TNR: variants seen among roughly 807,000 people sequenced by gnomAD.
The protein encoded by TNR is tenascin R, also known as tenascin-R.
TNR carries 45 observed loss-of-function variants against 150.4 expected under a neutral mutation model. The observed-to-expected ratio is 0.30, with a 90% CI of 0.24 to 0.38. The LOEUF (loss-of-function observed/expected upper bound fraction) is 0.38, where lower values mean the gene tolerates loss of function less well. Ranked by LOEUF, TNR falls within the 10% of genes least tolerant of loss-of-function variation. The pLI, the probability that TNR is intolerant of heterozygous loss-of-function variation, is 1.00. For synonymous variants in TNR, 687 were observed against 678.4 expected, an observed-to-expected ratio of 1.01 and a Z score of -0.20; for missense variants, 1,544 against 1,759.1, an observed-to-expected ratio of 0.88 and a Z score of 2.19.
Position 175,486,945 on chromosome 1 carries a change from C to T in TNR, c.-64+41324G>A, listed in dbSNP as rs530110210. Among the ~76,000 whole-genome samples the T allele has an allele frequency of 2.0e-5, 3 of 152,234 alleles. 1 individual carries two copies. The South Asian group carries it at 6.2e-4, about 32-fold the overall frequency. ...TCTTTTGAGAAGTGTCTGTTCATAT[C>T]CTTTGCCCACTTCTTGATGGGGTTG... On this transcript the variant is annotated intron_variant, in intron 2 of 22. Transcript: ENST00000367674.
intron 1 of TNR, among the ~76,000 whole-genome samples, chr1:175,576,943 C>G (rs1246459825): frequency 2.6e-5 from 4 of 152,196 alleles, no homozygotes; most frequent in Non-Finnish European, 1.5e-5. Context: ...TCACTGGACT[C>G]TGTAAAATCC....
chr1:175,615,580 G>T (rs1046186733), intron 1 of TNR, among the ~76,000 whole-genome samples: 1 of 152,270 alleles, frequency 6.6e-6, no homozygotes, highest in Middle Eastern at 3.4e-3. Context: ...GTCTCCTTAC[G>T]GTGTAAACTC....
intron 1 of TNR, among the ~76,000 whole-genome samples, chr1:175,606,683 C>T (rs140616132): frequency 1.3e-5 from 2 of 152,140 alleles, no homozygotes; most frequent in Non-Finnish European, 1.5e-5. Context: ...CAGGACCCCC[C>T]ACCCGACCCC....
chr1:175,596,321 C>A (rs1177879425), intron 1 of TNR, among the ~76,000 whole-genome samples: 1 of 151,982 alleles, frequency 6.6e-6, no homozygotes, highest in Non-Finnish European at 1.5e-5. Context: ...TCCTCCAGTT[C>A]CCCCCACCCG....
At chr1:175,592,743 G>T (rs931946106) in intron 1 of TNR, among the ~76,000 whole-genome samples, 5 of 152,222 alleles carry the variant, frequency 3.3e-5, no homozygotes, top group Admixed American at 2.0e-4. Flanking sequence ...CACAGCTTAG[G>T]GCTGGAGCAT....
chr1:175,324,492 C>G lies in TNR; in HGVS notation c.3821G>C (p.Arg1274Pro). ...GTCTCTATCCTCTGTGGAGAAAGGG[C>G]GTCCTTGATGATAGCTGAGGGAGTC... ...AGDSLSYHQG[R>P]PFSTEDRDND... The change falls in exon 22 of 23, where the codon CGC becomes CCC. Residue 1274 changes from arginine (R) to proline (P), a missense_variant. Transcript: ENST00000367674. 1 of 1,613,952 alleles carries G rather than the reference C, an allele frequency of 6.2e-7. No individual in the cohort carries two copies. Among genetic ancestry groups the G allele is most frequent in the South Asian group, 1.1e-5 (1 of 91,054 alleles).
At chr1:175,411,820 C>G (rs1654229061) in intron 2 of TNR, among the ~76,000 whole-genome samples, 1 of 152,016 alleles carries the variant, frequency 6.6e-6, no homozygotes, top group Admixed American at 6.6e-5. Context: ...GTTAGGACTT[C>G]AACACGTCTT....
intron 9 of TNR, among the ~76,000 whole-genome samples, chr1:175,373,382 C>G (rs1366182953): frequency 6.6e-6 from 1 of 152,154 alleles, no homozygotes; most frequent in Non-Finnish European, 1.5e-5. Context: ...CAGATAGGCA[C>G]CAATCTACTT....
chr1:175,496,706 C>A (rs1658503036), intron 2 of TNR, among the ~76,000 whole-genome samples: 1 of 152,236 alleles, frequency 6.6e-6, no homozygotes, highest in Non-Finnish European at 1.5e-5. Context: ...CTGAAAGGAA[C>A]TGGCTTCAAG....
chr1:175,385,332 G>A (rs568968586), intron 8 of TNR, among the ~76,000 whole-genome samples: 6 of 152,306 alleles, frequency 3.9e-5, no homozygotes, highest in African/African-American at 1.2e-4. Context: ...AAGTCACCCC[G>A]AGGTCTGGCC....
chr1:175,404,290 A>G (rs1203870193), intron 3 of TNR, among the ~76,000 whole-genome samples: 1 of 152,146 alleles, frequency 6.6e-6, no homozygotes, highest in East Asian at 1.9e-4. Context: ...CTTATGTGTT[A>G]CAAACCTGTC....
At chr1:175,602,569 G>A (rs111368113) in intron 1 of TNR, among the ~76,000 whole-genome samples, 112 of 152,242 alleles carry the variant, frequency 7.4e-4, no homozygotes, top group African/African-American at 2.5e-3. Flanking sequence ...TTGAATTTAC[G>A]GACACTGCAC....
chr1:175,742,149 G>A (rs1356942331), intron 1 of TNR, among the ~76,000 whole-genome samples: 4 of 152,182 alleles, frequency 2.6e-5, no homozygotes, highest in African/African-American at 9.7e-5. Flanking sequence ...CAGATGCAGG[G>A]AATTGACTGA....
intron 2 of TNR, among the ~76,000 whole-genome samples, chr1:175,503,320 C>A (rs1054105792): frequency 1.3e-5 from 2 of 152,128 alleles, no homozygotes; most frequent in Non-Finnish European, 2.9e-5. Flanking sequence ...GACAGACCCA[C>A]GTTCTTTTTC....
At chr1:175,641,691 C>T (rs1317775948) in intron 1 of TNR, among the ~76,000 whole-genome samples, 1 of 152,076 alleles carries the variant, frequency 6.6e-6, no homozygotes, top group East Asian at 1.9e-4. Context: ...GTACTTTTCA[C>T]TAATATGGCC....
chr1:175,574,294 A>G (rs908317014), intron 1 of TNR, among the ~76,000 whole-genome samples: 1 of 152,200 alleles, frequency 6.6e-6, no homozygotes, highest in Admixed American at 6.5e-5. Flanking sequence ...GTGAAATGAA[A>G]AGACGTCCTG....
At chr1:175,325,119 G>A (rs555541076) in intron 21 of TNR, among the ~76,000 whole-genome samples, 40 of 152,302 alleles carry the variant, frequency 2.6e-4, no homozygotes, top group Non-Finnish European at 4.7e-4. Context: ...GGGGAAGAGC[G>A]GACTTCAAGA....
At chr1:175,482,798 A>G (rs746448072) in intron 2 of TNR, among the ~76,000 whole-genome samples, 2 of 152,200 alleles carry the variant, frequency 1.3e-5, no homozygotes, top group Non-Finnish European at 2.9e-5. Context: ...CTAAGTTTCT[A>G]TAAAATGTGA....
chr1:175,585,312 TATGA>T (rs1166409238), intron 1 of TNR, among the ~76,000 whole-genome samples: 1 of 152,194 alleles, frequency 6.6e-6, no homozygotes, highest in Admixed American at 6.5e-5. Flanking sequence ...CACAAAACTA[TATGA>T]ACTATCATTT....
Sources: gnomAD v4.1 joint callset for allele counts (sites outside exome capture counted in the v4.1 genomes callset) on GRCh38, gnomAD v4.1.1 for gene constraint, MANE v1.5 for transcripts, NCBI Gene and HGNC (gene_info 2026-07-23, HGNC 2026-07-21) for gene names.